The following ESR2 variants were observed in gnomAD, a reference collection of about 807,000 sequenced individuals.
ESR2 encodes the protein estrogen receptor 2.
Under a neutral mutation model 49.6 loss-of-function variants are expected in ESR2, and 36 were observed. The ratio of observed to expected loss-of-function variants is 0.73; its 90% CI spans 0.56 to 0.96. The LOEUF (loss-of-function observed/expected upper bound fraction) is 0.96. Ranked by LOEUF, ESR2 falls within the 40% of genes least tolerant of loss-of-function variation. The probability of loss-of-function intolerance (pLI) is 0.00; values close to 1 mark genes in which losing one functional copy is unlikely to be tolerated. For synonymous variants in ESR2, 320 were observed against 266.1 expected, an observed-to-expected ratio of 1.20 and a Z score of -1.97; for missense variants, 714 against 693.0, an observed-to-expected ratio of 1.03 and a Z score of -0.34.
intron 1 of ESR2, among the ~76,000 whole-genome samples, chr14:64,322,840 T>A (rs2077341277): frequency 6.6e-6 from 1 of 152,210 alleles, no homozygotes; most frequent in Non-Finnish European, 1.5e-5. Context: ...AAGATACTTA[T>A]TTTCACATTA....
downstream of ESR2, chr14:64,227,370 G>GATA: frequency 5.5e-6 from 4 of 723,172 alleles, no homozygotes; most frequent in South Asian, 7.7e-5. Flanking sequence ...TTGTTGGATT[G>GATA]ATAATAGAAA....
intron 2 of ESR2, 62 bp from the exon 3 acceptor site, chr14:64,280,215 G>GAAA (rs5809225): frequency 2.1e-4 from 220 of 1,039,452 alleles, no homozygotes; most frequent in East Asian, 1.7e-3. Context: ...GGCTTTCTAG[G>GAAA]AAAAAAAAAT....
rs903085905 is a variant in ESR2, at chr14:64,232,872, A to C, written c.*265T>G. The C allele has an allele frequency of 8.7e-6, 4 of 459,332 alleles. No individual in the cohort carries two copies. The highest frequency in any genetic ancestry group is 5.8e-5 in the African/African-American group (3 of 51,350). 28.5% of individuals were successfully genotyped at this position (459,332 alleles called of 1,614,324 possible). On this transcript the variant is annotated 3_prime_UTR_variant, in exon 9 of 9. Coordinates refer to ENST00000341099, the MANE Select transcript of ESR2 (RefSeq NM_001437.3). ...AGGGGAGGAAGGAAGAAGGAAAGTA[A>C]GAAAGACCACACTGAGATCCTATGA...
chr14:64,298,062 AAT>A (rs2076982133), upstream of ESR2, among the ~76,000 whole-genome samples: 1 of 152,202 alleles, frequency 6.6e-6, no homozygotes, highest in Non-Finnish European at 1.5e-5. Flanking sequence ...ATTACTAATT[AAT>A]ATGTCAGAGA....
rs61331470 is a variant in ESR2, at chr14:64,287,024, GTTTTT to G, written c.-90-3954_-90-3950del. 2.1e-5 allele frequency among the ~76,000 whole-genome samples: 3 copies of G among 141,238 alleles called. No homozygotes were observed. In the East Asian group the frequency reaches 6.2e-4, roughly 29 times the overall value. 92.7% of individuals were successfully genotyped at this position (141,238 alleles called of 152,430 possible). A position where few individuals can be genotyped will look rare whatever the true frequency, so the allele number is the denominator to read the frequency against. ...GAGTCACCGTGCCTGGCCTGAAGTT[GTTTTT>G]TTTTTTTTCTTTTTTAATTGTGTTA... On this transcript the variant is annotated intron_variant, in intron 1 of 8. Transcript: ENST00000341099.
At chr14:64,234,901 C>G in intron 8 of ESR2, 69 bp downstream of exon 8, 1 of 1,570,988 alleles carries the variant, frequency 6.4e-7, no homozygotes, top group Non-Finnish European at 8.7e-7. Context: ...TTTCCCAAAT[C>G]ACTTCACCCT....
At chr14:64,312,963 G>T (rs2077202163) in intron 1 of ESR2, among the ~76,000 whole-genome samples, 1 of 152,020 alleles carries the variant, frequency 6.6e-6, no homozygotes, top group Admixed American at 6.6e-5. Flanking sequence ...AGAGTTAGCA[G>T]AGGGGATTTA....
intron 3 of ESR2, among the ~76,000 whole-genome samples, chr14:64,270,283 G>A (rs1468582843): frequency 5.3e-5 from 8 of 152,172 alleles, no homozygotes; most frequent in Admixed American, 2.6e-4. Context: ...AGGGATGCAC[G>A]TGTAGGTGGT....
rs1292937230 is a variant in ESR2 at position 64,231,602 on chromosome 14, C to T, written c.*1535G>A. The T allele has an allele frequency of 6.6e-6, 1 of 152,160 alleles. No homozygotes were observed. The highest frequency in any genetic ancestry group is 6.5e-5 in the Admixed American group (1 of 15,284). 9.4% of individuals were successfully genotyped at this position (152,160 alleles called of 1,614,324 possible). A position where few individuals can be genotyped will look rare whatever the true frequency, so the allele number is the denominator to read the frequency against. On this transcript the variant is annotated 3_prime_UTR_variant, in exon 9 of 9. Transcript: ENST00000341099. ...TATTCGAGGTCTTACTAGCAAAAACCAGTCTTGGTAACACTGAATGCAGTC... is the reference window on the plus strand; with the variant it reads ...TATTCGAGGTCTTACTAGCAAAAACTAGTCTTGGTAACACTGAATGCAGTC...
chr14:64,316,623 A>G (rs201809060), intron 1 of ESR2, among the ~76,000 whole-genome samples: 1 of 151,854 alleles, frequency 6.6e-6, no homozygotes, highest in Non-Finnish European at 1.5e-5. Context: ...AGCCTGGCCA[A>G]CATGGTGAAA....
chr14:64,308,403 A>G (rs1184149886), intron 1 of ESR2, among the ~76,000 whole-genome samples: 1 of 152,106 alleles, frequency 6.6e-6, no homozygotes, highest in African/African-American at 2.4e-5. Flanking sequence ...TTGTGTTTTA[A>G]TTTTCAGACA....
intron 1 of ESR2, among the ~76,000 whole-genome samples, chr14:64,286,299 T>G (rs1254281779): frequency 6.6e-6 from 1 of 152,094 alleles, no homozygotes; most frequent in Non-Finnish European, 1.5e-5. Flanking sequence ...AGTATGGAAT[T>G]TTATATTTCA....
chr14:64,240,969 C>T (rs1369526141), intron 7 of ESR2, among the ~76,000 whole-genome samples: 1 of 151,306 alleles, frequency 6.6e-6, no homozygotes, highest in Admixed American at 6.6e-5. Flanking sequence ...ACGGTGAAAC[C>T]CCGTCTCTAC....
At chr14:64,270,111 C>T (rs2076409554) in intron 3 of ESR2, among the ~76,000 whole-genome samples, 2 of 152,162 alleles carry the variant, frequency 1.3e-5, no homozygotes, top group South Asian at 4.1e-4. Context: ...GCCTCAACAT[C>T]TTACATTAAG....
At chr14:64,331,131 A>T (rs962109040) in intron 1 of ESR2, among the ~76,000 whole-genome samples, 1 of 152,214 alleles carries the variant, frequency 6.6e-6, no homozygotes, top group African/African-American at 2.4e-5. Context: ...GCTGTTTACA[A>T]AAGACATACT....
At chr14:64,308,840 C>T (rs924984794) in intron 1 of ESR2, among the ~76,000 whole-genome samples, 6 of 152,020 alleles carry the variant, frequency 3.9e-5, no homozygotes, top group African/African-American at 1.5e-4. Context: ...TGCAGTGGTG[C>T]TAGCATAGCT....
chr14:64,230,891 C>A lies in ESR2; in HGVS notation c.*2246G>T, dbSNP rs1255837348. 8.1e-6 allele frequency: 1 copy of A among 122,838 alleles called. No individual in the cohort carries two copies. The highest frequency in any genetic ancestry group is 1.7e-5 in the Non-Finnish European group (1 of 59,536). 7.6% of individuals were successfully genotyped at this position (122,838 alleles called of 1,614,324 possible). On this transcript the variant is annotated 3_prime_UTR_variant, in exon 9 of 9. Coordinates refer to ENST00000341099, the MANE Select transcript of ESR2 (RefSeq NM_001437.3). ...TATATATATATATATATATATATTT[C>A]GTGGCAATTTTTTTTTTTTTTTTTT...
At chr14:64,286,909 G>A (rs1003700567) in intron 1 of ESR2, among the ~76,000 whole-genome samples, 11 of 151,582 alleles carry the variant, frequency 7.3e-5, no homozygotes, top group South Asian at 4.2e-4. Context: ...TAGAGATGGG[G>A]TTTCACCATG....
intron 5 of ESR2, 172 bp from the exon 6 acceptor site, chr14:64,257,536 G>A: frequency 1.3e-6 from 1 of 788,930 alleles, no homozygotes; most frequent in Non-Finnish European, 2.0e-6. Context: ...TTGAAGTTAA[G>A]CTGCGCAACT....
Sources: gnomAD v4.1 joint callset for allele counts (sites outside exome capture counted in the v4.1 genomes callset) on GRCh38, gnomAD v4.1.1 for gene constraint, MANE v1.5 for transcripts, NCBI Gene and HGNC (gene_info 2026-07-23, HGNC 2026-07-21) for gene names.